PARD3B: variants seen among roughly 807,000 people sequenced by gnomAD.
PARD3B encodes the protein par-3 family cell polarity regulator beta, also known as partitioning defective 3 homolog B.
A neutral mutation model predicts 130.2 loss-of-function variants in PARD3B; 103 were observed. That is an observed-to-expected ratio of 0.79 (90% CI 0.67 to 0.93). The LOEUF is 0.93. Ranked by LOEUF, PARD3B falls within the 40% of genes least tolerant of loss-of-function variation. PARD3B has a pLI of 0.00. For missense variants in PARD3B, 1,609 were observed against 1,499.2 expected, an observed-to-expected ratio of 1.07 and a Z score of -1.21; for synonymous variants, 583 against 553.2, an observed-to-expected ratio of 1.05 and a Z score of -0.76.
chr2:204,568,101 C>T (rs749229869), intron 1 of PARD3B, among the ~76,000 whole-genome samples: 1 of 152,094 alleles, frequency 6.6e-6, no homozygotes. Flanking sequence ...ACCTTTTAGA[C>T]TTGAGAAAGA....
intron 2 of PARD3B, among the ~76,000 whole-genome samples, chr2:204,793,899 C>T (rs1490598717): frequency 6.6e-6 from 1 of 152,186 alleles, no homozygotes; most frequent in Non-Finnish European, 1.5e-5. Flanking sequence ...TTTTTACTAT[C>T]ACTGAATAGT....
chr2:205,208,735 G>C (rs1366044427), intron 15 of PARD3B, among the ~76,000 whole-genome samples: 7 of 144,458 alleles, frequency 4.8e-5, no homozygotes, highest in African/African-American at 1.6e-4. Context: ...CAAACAAATG[G>C]AAGAACATTC....
At chr2:204,855,131 G>T (rs544431461) in intron 2 of PARD3B, among the ~76,000 whole-genome samples, 1 of 152,266 alleles carries the variant, frequency 6.6e-6, no homozygotes, top group Non-Finnish European at 1.5e-5. Context: ...CTCAAAAAAT[G>T]AGAACTACTA....
At chr2:204,885,190 A>G (rs2046227913) in intron 2 of PARD3B, among the ~76,000 whole-genome samples, 1 of 152,186 alleles carries the variant, frequency 6.6e-6, no homozygotes, top group South Asian at 2.1e-4. Context: ...ATGAGATGGT[A>G]TCTCATTGTG....
chr2:204,914,893 C>T (rs1180601372), intron 2 of PARD3B, among the ~76,000 whole-genome samples: 1 of 152,228 alleles, frequency 6.6e-6, no homozygotes, highest in African/African-American at 2.4e-5. Flanking sequence ...CCCAGATGCT[C>T]GTGGCCCTGC....
chr2:205,570,756 A>G (rs2053533255), intron 22 of PARD3B, among the ~76,000 whole-genome samples: 1 of 152,182 alleles, frequency 6.6e-6, no homozygotes, highest in African/African-American at 2.4e-5. Flanking sequence ...CGTGCTACCT[A>G]AAGAAGGATT....
At chr2:204,747,544 C>T (rs1422899626) in intron 2 of PARD3B, among the ~76,000 whole-genome samples, 2 of 152,138 alleles carry the variant, frequency 1.3e-5, no homozygotes. Flanking sequence ...CCCCATCAAG[C>T]TACCAATGAC....
chr2:204,738,405 G>A (rs187407576), intron 2 of PARD3B, among the ~76,000 whole-genome samples: 151 of 152,190 alleles, frequency 9.9e-4, no homozygotes, highest in Non-Finnish European at 1.6e-3. Flanking sequence ...CTACATTTTT[G>A]TGTATATTGT....
At chr2:205,381,023 G>A (rs540514376) in intron 18 of PARD3B, among the ~76,000 whole-genome samples, 1 of 64,960 alleles carries the variant, frequency 1.5e-5, no homozygotes, top group Non-Finnish European at 2.4e-5. Flanking sequence ...GAATATATAT[G>A]ATATATTATA....
At chr2:205,420,394 CAG>C (rs2046927975) in intron 19 of PARD3B, among the ~76,000 whole-genome samples, 1 of 152,162 alleles carries the variant, frequency 6.6e-6, no homozygotes, top group South Asian at 2.1e-4. Flanking sequence ...CTCTCATTTG[CAG>C]GTGACAGAAA....
intron 15 of PARD3B, among the ~76,000 whole-genome samples, chr2:205,238,849 A>AATATAT (rs66692400): frequency 4.4e-4 from 34 of 76,900 alleles, no homozygotes; most frequent in South Asian, 2.6e-3. Flanking sequence ...AAAAAAAAAA[A>AATATAT]ATATATATAT....
chr2:204,732,580 C>T (rs12478321), intron 2 of PARD3B, among the ~76,000 whole-genome samples: 90,892 of 150,698 alleles, frequency 0.6, 30,483 homozygotes, highest in Non-Finnish European at 0.74. Context: ...TCTCAGCTCA[C>T]TGCAAGCTCT....
At chr2:205,033,885 A>G (rs938392284) in intron 3 of PARD3B, among the ~76,000 whole-genome samples, 13 of 152,178 alleles carry the variant, frequency 8.5e-5, no homozygotes, top group African/African-American at 2.4e-4. Flanking sequence ...AGCCACAGTA[A>G]TTGACGAGAT....
intron 18 of PARD3B, among the ~76,000 whole-genome samples, chr2:205,358,006 C>G (rs1209317496): frequency 6.6e-6 from 1 of 152,174 alleles, no homozygotes; most frequent in Admixed American, 6.5e-5. Context: ...TTCTGACATT[C>G]CTCACCTCAT....
chr2:205,172,451 T>C, intron 12 of PARD3B, 70 bp downstream of exon 12: 16 of 1,451,724 alleles, frequency 1.1e-5, no homozygotes, highest in Non-Finnish European at 1.5e-5. Flanking sequence ...CTTCCATTCC[T>C]AGTATGGCAG....
intron 15 of PARD3B, among the ~76,000 whole-genome samples, chr2:205,223,588 T>C (rs1043125439): frequency 6.6e-6 from 1 of 151,574 alleles, no homozygotes; most frequent in Non-Finnish European, 1.5e-5. Context: ...GTCTGCCCAC[T>C]CAGCTGCTTT....
intron 21 of PARD3B, among the ~76,000 whole-genome samples, chr2:205,526,440 G>T (rs2106415700): frequency 6.6e-6 from 1 of 152,240 alleles, no homozygotes; most frequent in South Asian, 2.1e-4. Context: ...TAAAATTTTG[G>T]TAAGCAGATA....
rs1575236595 is a variant in PARD3B, at chr2:204,895,013, A to G, written c.223-70139A>G. Among the ~76,000 whole-genome samples the G allele has an allele frequency of 6.6e-5, 10 of 151,818 alleles. No individual in the cohort carries two copies. The South Asian group carries it at 2.1e-3, about 31-fold the overall frequency. On this transcript the variant is annotated intron_variant, in intron 2 of 22. Coordinates refer to ENST00000406610, the MANE Select transcript of PARD3B (RefSeq NM_001302769.2). ...AACTTAAAAATGTTTGGACTATAGTAATAGATTTTTTGAAAAGTAGAGAAT... is the reference window on the plus strand; with the variant it reads ...AACTTAAAAATGTTTGGACTATAGTGATAGATTTTTTGAAAAGTAGAGAAT...
rs114892412 is a variant in PARD3B at position 205,308,736 on chromosome 2, A to G, written c.2630+7035A>G. Among the ~76,000 whole-genome samples, 1,153 of 152,318 alleles carry G rather than the reference A, an allele frequency of 7.6e-3. 19 individuals carry two copies. The highest frequency in any genetic ancestry group is 0.026 in the African/African-American group (1,084 of 41,570). On this transcript the variant is annotated intron_variant, in intron 18 of 22. Coordinates refer to ENST00000406610, the MANE Select transcript of PARD3B (RefSeq NM_001302769.2). The stretch of plus-strand genomic sequence containing the variant: ...ATATTCACTAGATATTTCAGGGACA[A>G]TCCAGTACCCCATCAGCTCGAGGGA...
Sources: allele counts gnomAD v4.1 joint callset (sites outside exome capture counted in the v4.1 genomes callset), GRCh38; gene constraint gnomAD v4.1.1; transcripts MANE v1.5; gene names NCBI Gene and HGNC (gene_info 2026-07-23, HGNC 2026-07-21).